Variants in CCDC22 observed in about 807,000 individuals in gnomAD.
CCDC22 encodes the protein coiled-coil domain-containing protein 22.
Under a neutral mutation model 53.1 loss-of-function variants are expected in CCDC22, and 4 were observed. The ratio of observed to expected loss-of-function variants is 0.08; its 90% CI spans 0.04 to 0.17. CCDC22 has a LOEUF of 0.17. Among genes scored for constraint, CCDC22 ranks in the 10% least tolerant of loss-of-function variants. The pLI is 1.00. For missense variants in CCDC22, 458 were observed against 554.0 expected (o/e 0.83, Z 1.74); for synonymous variants, 222 against 224.4 (o/e 0.99, Z 0.10).
chrX:49,244,902 A>G (rs917385563), intron 6 of CCDC22, among the ~76,000 whole-genome samples: 1 of 106,964 alleles, frequency 9.3e-6, no homozygotes, highest in East Asian at 3.0e-4. Context: ...TTCTCTATCC[A>G]TCTCTGTATC....
chrX:49,249,421 G>C, intron 14 of CCDC22, 88 bp from the exon 15 acceptor site: 1 of 947,145 alleles, frequency 1.1e-6, no homozygotes, highest in Non-Finnish European at 1.5e-6. Flanking sequence ...TGAAGCTAGT[G>C]GGGTGGTGGG....
chrX:49,250,033 A>G, intron 16 of CCDC22, 115 bp from the exon 17 acceptor site: 1 of 503,688 alleles, frequency 2.0e-6, no homozygotes, highest in Non-Finnish European at 3.6e-6. Flanking sequence ...CATGGGACAG[A>G]GCAGGCTGTT....
rs782721481 is a variant in CCDC22 at position 49,246,898 on chromosome X, G to A, written c.882G>A (p.Thr294=). ...GTGCTCCTAAGGGCTCCCGCTTCAC[G>A]CACTCAGAGAAGTTCACCTTCCATC... ...KTGAPKGSRF[T]HSEKFTFHLE... Residue 294 remains threonine (T), a synonymous_variant, in exon 7 of 17, where the codon ACG becomes ACA. Transcript: ENST00000376227. 9.2e-6 allele frequency: 11 copies of A among 1,196,189 alleles called. No individual in the cohort carries two copies. Among genetic ancestry groups the A allele is most frequent in the Admixed American group, 4.5e-5 (2 of 44,595 alleles).
In CCDC22 at chrX:49,242,926, T is replaced by G; in HGVS notation, c.402T>G (p.Ile134Met). 2 of 1,169,478 alleles carry G rather than the reference T, an allele frequency of 1.7e-6. No homozygotes were observed. Among genetic ancestry groups the G allele is most frequent in the Non-Finnish European group, 2.3e-6 (2 of 873,073 alleles). ...AILLRAIGSQ[I>M]RDQLALPWVP... ...TCCTCCGGGCCATTGGGAGCCAAAT[T>G]CGGGACCAGCTGGCACTGCCTTGGG... Residue 134 changes from isoleucine (I) to methionine (M), a missense_variant, in exon 4 of 17, where the codon ATT becomes ATG. By Grantham distance (10) the Ile-to-Met change is conservative. Coordinates refer to ENST00000376227, the MANE Select transcript of CCDC22 (RefSeq NM_014008.5).
intron 6 of CCDC22, among the ~76,000 whole-genome samples, chrX:49,246,256 G>A (rs2065989160): frequency 8.9e-6 from 1 of 112,322 alleles, no homozygotes; most frequent in Non-Finnish European, 1.9e-5. Context: ...ATAGGCATGA[G>A]CCACTGTACC....
intron 2 of CCDC22, 152 bp from the exon 3 acceptor site, chrX:49,241,864 G>A (rs782435644): frequency 1.9e-6 from 1 of 521,662 alleles, no homozygotes; most frequent in Non-Finnish European, 3.2e-6. Context: ...ATCACTCTGT[G>A]ACTCCCCCCA....
At chrX:49,236,990 C>T (rs896268938) in intron 1 of CCDC22, 96 bp from the exon 2 acceptor site, 34 of 793,343 alleles carry the variant, frequency 4.3e-5, no homozygotes, top group Non-Finnish European at 6.2e-5. Context: ...TCCTCCCTGC[C>T]CCGACCCTGG....
At chrX:49,246,658 C>T in intron 6 of CCDC22, 73 bp from the exon 7 acceptor site, 1 of 944,429 alleles carries the variant, frequency 1.1e-6, no homozygotes, top group Non-Finnish European at 1.4e-6. Flanking sequence ...TCAGGGGGTC[C>T]TTGGAGGAGG....
At chrX:49,247,136 G>A (rs1161956570) in intron 7 of CCDC22, 5 of 439,962 alleles carry the variant, frequency 1.1e-5, no homozygotes, top group Non-Finnish European at 1.6e-5. Context: ...ACCATGCAAA[G>A]GTGTGGGGGT....
chrX:49,247,481 C>T lies in CCDC22; in HGVS notation c.910-15C>T, dbSNP rs782099905. The T allele has an allele frequency of 7.6e-6, 9 of 1,184,061 alleles. No homozygotes were observed. The highest frequency in any genetic ancestry group is 5.3e-5 in the African/African-American group (3 of 56,552). Reference sequence around the variant, plus strand: ...CTTCCCTGGCAGCCAGGATGCCCCTCGTCACTCCCCTTAGGAGCCCCAGGC... The same window carrying T: ...CTTCCCTGGCAGCCAGGATGCCCCTTGTCACTCCCCTTAGGAGCCCCAGGC... On this transcript the variant is annotated splice_polypyrimidine_tract_variant and intron_variant, in intron 7 of 16. Coordinates refer to ENST00000376227, the MANE Select transcript of CCDC22 (RefSeq NM_014008.5).
At chrX:49,249,061 C>A in intron 13 of CCDC22, 106 bp from the exon 14 acceptor site, 1 of 1,105,551 alleles carries the variant, frequency 9.0e-7, no homozygotes, top group Non-Finnish European at 1.2e-6. Context: ...CCATCCCAGT[C>A]ACCCCTGACA....
At chrX:49,243,845 G>C (rs895454276) in intron 6 of CCDC22, among the ~76,000 whole-genome samples, 6 of 112,053 alleles carry the variant, frequency 5.4e-5, no homozygotes, top group Admixed American at 4.7e-4. Context: ...CTGGAGTGCA[G>C]TGGCGTGATC....
intron 2 of CCDC22, among the ~76,000 whole-genome samples, chrX:49,239,030 C>A (rs199994380): frequency 9.0e-6 from 1 of 110,955 alleles, no homozygotes; most frequent in Non-Finnish European, 1.9e-5. Flanking sequence ...GGCTGGAGTG[C>A]AGTGGCACAA....
At chrX:49,240,808 T>G (rs1557113269) in intron 2 of CCDC22, among the ~76,000 whole-genome samples, 2 of 112,132 alleles carry the variant, frequency 1.8e-5, no homozygotes. Context: ...TCACAGCTCT[T>G]TGATTGCATA....
chrX:49,241,466 G>A (rs1224489159), intron 2 of CCDC22, among the ~76,000 whole-genome samples: 2 of 91,404 alleles, frequency 2.2e-5, no homozygotes, highest in African/African-American at 8.2e-5. Flanking sequence ...CAGCCTGAGC[G>A]ACAGAGCGAG....
At chrX:49,238,643 CT>C (rs2065949996) in intron 2 of CCDC22, among the ~76,000 whole-genome samples, 1 of 112,078 alleles carries the variant, frequency 8.9e-6, no homozygotes, top group Non-Finnish European at 1.9e-5. Flanking sequence ...CCAGGCTGGT[CT>C]TGAACTCCTG....
At position 49,250,467 on chromosome X, in the gene CCDC22, C is replaced by T. The variant is rs181219991; in HGVS notation, c.*206C>T. The stretch of plus-strand genomic sequence containing the variant: ...GAGCTCGGCTGCAGTTTATTGGGGA[C>T]GGTACTGTGGGTTGGGGGCCTTGGA... On this transcript the variant is annotated 3_prime_UTR_variant, in exon 17 of 17. Transcript: ENST00000376227. 47 of 497,413 alleles carry T rather than the reference C, an allele frequency of 9.4e-5. No individual in the cohort carries two copies. In the East Asian group the frequency reaches 1.0e-3, roughly 11 times the overall value. The allele number at this position is 497,413 out of a possible 1,213,427, so 41.0% of individuals were successfully genotyped here.
chrX:49,247,791 C>T (rs781797697), intron 9 of CCDC22, 23 bp downstream of exon 9: 38 of 1,207,478 alleles, frequency 3.1e-5, no homozygotes, highest in South Asian at 8.9e-5. Flanking sequence ...GGAGGGGCTG[C>T]GCGTTGGGCT....
At chrX:49,248,975 T>A (rs368074176) in intron 13 of CCDC22, 51 bp downstream of exon 13, 1 of 1,183,552 alleles carries the variant, frequency 8.4e-7, no homozygotes, top group Non-Finnish European at 1.1e-6. Context: ...TCAGGCATAG[T>A]GTGGCCGCAC....
Sources: allele counts gnomAD v4.1 joint callset (sites outside exome capture counted in the v4.1 genomes callset), GRCh38; gene constraint gnomAD v4.1.1; transcripts MANE v1.5; gene names NCBI Gene and HGNC (gene_info 2026-07-23, HGNC 2026-07-21).